SPIRE1: variants seen among roughly 807,000 people sequenced by gnomAD.
SPIRE1 encodes the protein protein spire homolog 1.
Under a neutral mutation model 94.1 loss-of-function variants are expected in SPIRE1, and 40 were observed. The ratio of observed to expected loss-of-function variants is 0.43; its 90% CI spans 0.33 to 0.55. The LOEUF (loss-of-function observed/expected upper bound fraction) is 0.55. Ranked by LOEUF, SPIRE1 falls within the 20% of genes least tolerant of loss-of-function variation. The probability of loss-of-function intolerance (pLI) is 0.06; values close to 1 mark genes in which losing one functional copy is unlikely to be tolerated. For missense variants in SPIRE1, 838 were observed against 975.2 expected (o/e 0.86, Z 1.87); for synonymous variants, 376 against 371.7 (o/e 1.01, Z -0.13).
At position 12,658,054 on chromosome 18, in the gene SPIRE1, A is replaced by G. The variant is rs1200473574; in HGVS notation, c.-188T>C. The G allele has an allele frequency of 2.0e-6, 2 of 990,786 alleles. No individual in the cohort carries two copies. The highest frequency in any genetic ancestry group is 1.2e-4 in the Admixed American group (2 of 16,318). The allele number at this position is 990,786 out of a possible 1,614,324, so 61.4% of individuals were successfully genotyped here. ...TGGGCAAGAGGAGGGCGGCGAGGAC[A>G]CGGCTGCAGTCCCGGTCAGACAGCC... On this transcript the variant is annotated 5_prime_UTR_variant, in exon 1 of 17. Transcript: ENST00000409402.
intron 2 of SPIRE1, among the ~76,000 whole-genome samples, chr18:12,626,421 T>C (rs28582228): frequency 0.39 from 59,098 of 152,002 alleles, 12,180 homozygotes; most frequent in East Asian, 0.6. Flanking sequence ...CAGACTACTT[T>C]ACAAGTTCCT....
intron 10 of SPIRE1, among the ~76,000 whole-genome samples, chr18:12,477,143 C>G (rs892189222): frequency 6.6e-6 from 1 of 152,126 alleles, no homozygotes; most frequent in African/African-American, 2.4e-5. Flanking sequence ...TTTATCTGAT[C>G]ATGCCTTGCT....
intron 4 of SPIRE1, chr18:12,516,301 T>G (rs1356658573): frequency 6.6e-6 from 1 of 152,192 alleles, no homozygotes; most frequent in Non-Finnish European, 1.5e-5. Context: ...GCACAGCCTA[T>G]CTCCTGGCCA....
chr18:12,528,424 T>C lies in SPIRE1; in HGVS notation c.729+7052A>G, dbSNP rs139796878. Reference sequence around the variant, plus strand: ...GGAAAAAGCATTTCAGAATAGTAGATAGACATTTGAGTTAGGTCTTAAGGA... The same window carrying C: ...GGAAAAAGCATTTCAGAATAGTAGACAGACATTTGAGTTAGGTCTTAAGGA... On this transcript the variant is annotated intron_variant, in intron 4 of 16. Transcript: ENST00000409402. Among the ~76,000 whole-genome samples the C allele has an allele frequency of 3.0e-3, 451 of 152,274 alleles. 1 individual carries two copies. The highest frequency in any genetic ancestry group is 6.8e-3 in the Middle Eastern group (2 of 294).
Position 12,449,541 on chromosome 18 carries a change from CA to C in SPIRE1, c.*96del. The C allele has an allele frequency of 1.6e-6, 2 of 1,260,558 alleles. No individual in the cohort carries two copies. The highest frequency in any genetic ancestry group is 3.0e-5 in the South Asian group (2 of 65,798). The allele number at this position is 1,260,558 out of a possible 1,614,324, so 78.1% of individuals were successfully genotyped here. A position where few individuals can be genotyped will look rare whatever the true frequency, so the allele number is the denominator to read the frequency against. ...ATCTGATCTAATGCAAATTCAAGCCCATTAAATAAAACCACAGAAAGGAGAG... is the reference window on the plus strand; with the variant it reads ...ATCTGATCTAATGCAAATTCAAGCCCTTAAATAAAACCACAGAAAGGAGAG... On this transcript the variant is annotated 3_prime_UTR_variant, in exon 17 of 17. Transcript: ENST00000409402.
intron 2 of SPIRE1, among the ~76,000 whole-genome samples, chr18:12,609,322 T>C (rs1185753816): frequency 6.6e-6 from 1 of 152,164 alleles, no homozygotes; most frequent in African/African-American, 2.4e-5. Context: ...TCAAGGACTA[T>C]CGAGAGCCAA....
intron 2 of SPIRE1, among the ~76,000 whole-genome samples, chr18:12,550,116 G>A (rs1262376803): frequency 6.6e-6 from 1 of 152,112 alleles, no homozygotes; most frequent in African/African-American, 2.4e-5. Context: ...TCACAGTGGA[G>A]GAGTAGGTCT....
At chr18:12,510,099 A>C (rs1037462803) in intron 5 of SPIRE1, among the ~76,000 whole-genome samples, 5 of 151,470 alleles carry the variant, frequency 3.3e-5, no homozygotes, top group Admixed American at 6.6e-5. Flanking sequence ...AAAAAAAAAA[A>C]CTAAAAAAAC....
rs532384122 is a variant in SPIRE1, at chr18:12,492,311, G to A, written c.1189+761C>T. ...TAAGGTACCACTATAGACCGTTTTC[G>A]TAAAGGCAGTTTCTCTGGATTCTTT... On this transcript the variant is annotated intron_variant, in intron 8 of 16. Transcript: ENST00000409402. 4.6e-5 allele frequency among the ~76,000 whole-genome samples: 7 copies of A among 152,266 alleles called. No homozygotes were observed. The South Asian group carries it at 1.0e-3, about 23-fold the overall frequency.
At chr18:12,453,846 G>A (rs1051526148) in intron 13 of SPIRE1, among the ~76,000 whole-genome samples, 6 of 150,372 alleles carry the variant, frequency 4.0e-5, no homozygotes, top group Admixed American at 1.3e-4. Context: ...GTGCAGTGGC[G>A]CAATCTCAGC....
intron 2 of SPIRE1, among the ~76,000 whole-genome samples, chr18:12,634,825 G>A (rs1451414719): frequency 6.6e-6 from 1 of 151,818 alleles, no homozygotes; most frequent in African/African-American, 2.4e-5. Flanking sequence ...ATCCCAGCCA[G>A]TCAGAAGGCT....
At chr18:12,497,281 TG>T (rs1423762253) in intron 6 of SPIRE1, among the ~76,000 whole-genome samples, 1 of 152,228 alleles carries the variant, frequency 6.6e-6, no homozygotes, top group Non-Finnish European at 1.5e-5. Context: ...CTCTTTTTAA[TG>T]CAATGTGTTA....
intron 1 of SPIRE1, among the ~76,000 whole-genome samples, chr18:12,641,208 T>C (rs112629112): frequency 0.014 from 2,167 of 152,230 alleles, 60 homozygotes; most frequent in African/African-American, 0.05. Flanking sequence ...CAACCATTAG[T>C]TTAAGAACTA....
intron 4 of SPIRE1, among the ~76,000 whole-genome samples, chr18:12,518,087 C>T (rs191270024): frequency 1.3e-3 from 195 of 152,234 alleles, no homozygotes; most frequent in African/African-American, 4.2e-3. Context: ...CATGGCTCAC[C>T]GCAGCCTCAA....
chr18:12,501,805 T>G (rs1598416689), intron 6 of SPIRE1, among the ~76,000 whole-genome samples: 1 of 152,130 alleles, frequency 6.6e-6, no homozygotes. Context: ...TACAAAAAAT[T>G]AAAAGGAATT....
intron 2 of SPIRE1, 126 bp downstream of exon 2, chr18:12,634,935 CA>C (rs35302137): frequency 0.49 from 209,530 of 430,030 alleles, 24,606 homozygotes; most frequent in Middle Eastern, 0.54. Context: ...AAGTCCATCT[CA>C]AAAAAAAAAA....
intron 3 of SPIRE1, among the ~76,000 whole-genome samples, chr18:12,542,886 G>A (rs1343116910): frequency 6.6e-6 from 1 of 152,050 alleles, no homozygotes; most frequent in African/African-American, 2.4e-5. Context: ...GAGTGCAGGG[G>A]CACAATCTTG....
chr18:12,563,688 A>C (rs2035747558), intron 2 of SPIRE1, among the ~76,000 whole-genome samples: 1 of 152,168 alleles, frequency 6.6e-6, no homozygotes, highest in African/African-American at 2.4e-5. Context: ...AATCCCTTAG[A>C]TCTTTAGAAG....
chr18:12,568,647 T>A (rs1462982997), intron 2 of SPIRE1, among the ~76,000 whole-genome samples: 1 of 152,262 alleles, frequency 6.6e-6, no homozygotes, highest in Non-Finnish European at 1.5e-5. Flanking sequence ...GCTAATTATA[T>A]ACCTATCTTA....
Sources: allele counts gnomAD v4.1 joint callset (sites outside exome capture counted in the v4.1 genomes callset), GRCh38; gene constraint gnomAD v4.1.1; transcripts MANE v1.5; gene names NCBI Gene and HGNC (gene_info 2026-07-23, HGNC 2026-07-21).